Variants in RBFOX1 observed in about 807,000 individuals in gnomAD.
The protein encoded by RBFOX1 is RNA binding protein fox-1 homolog 1.
In RBFOX1, 8 loss-of-function variants were observed where a neutral mutation model predicts 57.7. The ratio of observed to expected loss-of-function variants is 0.14; its 90% CI spans 0.08 to 0.25. RBFOX1 has a LOEUF of 0.25. RBFOX1 is among the 10% of genes least tolerant of loss of function. RBFOX1 has a pLI of 1.00. For synonymous variants in RBFOX1, 326 were observed against 222.4 expected (o/e 1.47, Z -4.15); for missense variants, 611 against 548.5 (o/e 1.11, Z -1.14).
At chr16:5,301,632 A>AAAAC (rs2063808405) in intron 1 of RBFOX1, among the ~76,000 whole-genome samples, 1 of 150,532 alleles carries the variant, frequency 6.6e-6, no homozygotes, top group Non-Finnish European at 1.5e-5. Flanking sequence ...AAAAAAAAAA[A>AAAAC]AAAAAACACA....
intron 2 of RBFOX1, among the ~76,000 whole-genome samples, chr16:6,469,704 A>T (rs1036388694): frequency 3.3e-5 from 5 of 152,152 alleles, no homozygotes; most frequent in Non-Finnish European, 7.4e-5. Flanking sequence ...AGTTGAATGC[A>T]TGTAACTTGA....
intron 10 of RBFOX1, among the ~76,000 whole-genome samples, chr16:7,608,638 C>G (rs920065298): frequency 1.4e-4 from 22 of 152,174 alleles, no homozygotes; most frequent in African/African-American, 5.1e-4. Flanking sequence ...TCAAATTCTG[C>G]CTCCCCTACT....
At chr16:7,368,869 T>C (rs556487353) in intron 4 of RBFOX1, among the ~76,000 whole-genome samples, 1 of 152,244 alleles carries the variant, frequency 6.6e-6, no homozygotes, top group Admixed American at 6.5e-5. Context: ...CAGACAGTTA[T>C]CTTCAGATTA....
intron 7 of RBFOX1, among the ~76,000 whole-genome samples, chr16:7,593,697 C>T (rs974012789): frequency 6.6e-6 from 1 of 152,056 alleles, no homozygotes; most frequent in Admixed American, 6.5e-5. Context: ...AGGCAGTATT[C>T]CCAGGATGTG....
intron 3 of RBFOX1, among the ~76,000 whole-genome samples, chr16:5,809,373 A>G (rs1178605068): frequency 6.6e-6 from 1 of 152,218 alleles, no homozygotes; most frequent in Non-Finnish European, 1.5e-5. Context: ...AACTGCTATC[A>G]GAGTGAACAG....
intron 2 of RBFOX1, among the ~76,000 whole-genome samples, chr16:6,372,055 T>C (rs2090503580): frequency 6.6e-6 from 1 of 152,178 alleles, no homozygotes; most frequent in Non-Finnish European, 1.5e-5. Context: ...AATGAAAGGA[T>C]GGTTGGTTAG....
chr16:7,248,792 A>G (rs190524406), intron 4 of RBFOX1, among the ~76,000 whole-genome samples: 291 of 152,344 alleles, frequency 1.9e-3, no homozygotes, highest in African/African-American at 5.9e-3. Flanking sequence ...TATATCAGGG[A>G]AAATGCTATT....
intron 3 of RBFOX1, among the ~76,000 whole-genome samples, chr16:6,790,588 G>A (rs537617579): frequency 1.3e-5 from 2 of 152,178 alleles, no homozygotes; most frequent in South Asian, 4.2e-4. Context: ...TCCCAACACT[G>A]CCTTCTCCAA....
At chr16:7,256,570 T>G (rs1273202572) in intron 4 of RBFOX1, among the ~76,000 whole-genome samples, 1 of 152,194 alleles carries the variant, frequency 6.6e-6, no homozygotes, top group African/African-American at 2.4e-5. Context: ...GTTTATACCA[T>G]GTAAACTGTG....
chr16:5,432,808 C>G lies in RBFOX1; in HGVS notation c.220-34408C>G, dbSNP rs570308964. ...TTTCTTTTCTTTTCTTTTTTTAAGA[C>G]AGGGTCTTACTCTGTCTCCTGGGTT... On this transcript the variant is annotated intron_variant, in intron 1 of 2. Coordinates refer to the RBFOX1 transcript ENST00000585867. Among the ~76,000 whole-genome samples, 3 of 151,806 alleles carry G rather than the reference C, an allele frequency of 2.0e-5. No homozygotes were observed. The East Asian group carries it at 5.8e-4, about 29-fold the overall frequency.
rs149744071 is a variant in RBFOX1, at chr16:5,911,223, G to A, written c.351+43888G>A. Among the ~76,000 whole-genome samples the A allele has an allele frequency of 7.6e-3, 1,152 of 152,228 alleles. 18 individuals carry two copies. The highest frequency in any genetic ancestry group is 0.027 in the African/African-American group (1,105 of 41,528). On this transcript the variant is annotated intron_variant, in intron 4 of 19. Coordinates refer to the RBFOX1 transcript ENST00000641259. ...TGCTGGATCCACCCTGTTCTCTAGG[G>A]CCTCCCACTTGAGGTCCACTGTCTG...
chr16:5,366,595 G>A, intron 1 of RBFOX1: 1 of 389,440 alleles, frequency 2.6e-6, no homozygotes, highest in African/African-American at 2.1e-5. Context: ...TTTTCCCAGA[G>A]AGGAAGCAAA....
chr16:5,765,943 A>T (rs8063173), intron 3 of RBFOX1, among the ~76,000 whole-genome samples: 22,379 of 151,990 alleles, frequency 0.15, 1,989 homozygotes, highest in African/African-American at 0.24. Flanking sequence ...ACCCAGCTAC[A>T]TGGTTACTGC....
intron 2 of RBFOX1, among the ~76,000 whole-genome samples, chr16:5,593,886 C>T (rs900703357): frequency 1.3e-5 from 2 of 152,162 alleles, no homozygotes; most frequent in African/African-American, 4.8e-5. Context: ...ATCGGGACCC[C>T]TTTCCTGTAA....
intron 14 of RBFOX1, 62 bp from the exon 15 acceptor site, chr16:7,708,994 T>C: frequency 1.3e-6 from 2 of 1,491,874 alleles, no homozygotes; most frequent in Non-Finnish European, 1.9e-6. Context: ...TTGGATTTTA[T>C]GATTGTTATT....
chr16:7,080,164 A>G (rs1216378165), intron 4 of RBFOX1, among the ~76,000 whole-genome samples: 1 of 151,380 alleles, frequency 6.6e-6, no homozygotes, highest in Non-Finnish European at 1.5e-5. Flanking sequence ...CTCAGCCAAA[A>G]AGTAAAAGTA....
chr16:6,597,753 C>T (rs1003264382), intron 2 of RBFOX1, among the ~76,000 whole-genome samples: 1 of 152,118 alleles, frequency 6.6e-6, no homozygotes, highest in African/African-American at 2.4e-5. Context: ...GAAAGGTAGC[C>T]AGGATTTTCT....
At chr16:7,316,612 T>C (rs1261071345) in intron 4 of RBFOX1, among the ~76,000 whole-genome samples, 3 of 152,124 alleles carry the variant, frequency 2.0e-5, no homozygotes, top group African/African-American at 7.2e-5. Context: ...CATGAGCAAG[T>C]GATCATCACA....
intron 14 of RBFOX1, among the ~76,000 whole-genome samples, chr16:7,699,295 G>C (rs372181683): frequency 1.3e-5 from 2 of 151,878 alleles, no homozygotes; most frequent in South Asian, 2.1e-4. Context: ...GGGATCTAGC[G>C]ATCCTCCCAC....
Sources: gnomAD v4.1 joint callset for allele counts (sites outside exome capture counted in the v4.1 genomes callset) on GRCh38, gnomAD v4.1.1 for gene constraint, MANE v1.5 for transcripts, NCBI Gene and HGNC (gene_info 2026-07-23, HGNC 2026-07-21) for gene names.